FSHR: variants seen among roughly 807,000 people sequenced by gnomAD.
FSHR encodes follicle-stimulating hormone receptor.
A neutral mutation model predicts 52.1 loss-of-function variants in FSHR; 46 were observed. The ratio of observed to expected loss-of-function variants is 0.88; its 90% CI spans 0.70 to 1.13. The LOEUF (loss-of-function observed/expected upper bound fraction) is 1.13, where lower values mean the gene tolerates loss of function less well. Among genes scored for constraint, FSHR ranks in the 50% most tolerant of loss-of-function variants. FSHR has a pLI of 0.00. For synonymous variants in FSHR, 399 were observed against 309.6 expected, an observed-to-expected ratio of 1.29 and a Z score of -3.03; for missense variants, 964 against 834.6, an observed-to-expected ratio of 1.16 and a Z score of -1.91.
chr2:49,033,136 TC>T (rs1450671203), intron 2 of FSHR, among the ~76,000 whole-genome samples: 1 of 152,210 alleles, frequency 6.6e-6, no homozygotes, highest in Non-Finnish European at 1.5e-5. Flanking sequence ...CAACTTGCTT[TC>T]CAATTAGACT....
intron 1 of FSHR, among the ~76,000 whole-genome samples, chr2:49,091,008 T>C (rs1473563285): frequency 6.6e-6 from 1 of 152,064 alleles, no homozygotes; most frequent in Non-Finnish European, 1.5e-5. Context: ...ATATACTAGA[T>C]AGAAGTCCTT....
chr2:49,117,183 A>C (rs1447117912), intron 1 of FSHR, among the ~76,000 whole-genome samples: 1 of 152,208 alleles, frequency 6.6e-6, no homozygotes, highest in East Asian at 1.9e-4. Flanking sequence ...CAAATCACTG[A>C]GGACAACTAC....
chr2:49,005,941 T>A (rs1667060643), intron 4 of FSHR, among the ~76,000 whole-genome samples: 1 of 152,112 alleles, frequency 6.6e-6, no homozygotes. Context: ...GTGGGTACCA[T>A]CTAATCAGCT....
chr2:48,980,713 G>A lies in FSHR; in HGVS notation c.668+2199C>T, dbSNP rs185716385. Among the ~76,000 whole-genome samples, 763 of 152,260 alleles carry A rather than the reference G, an allele frequency of 5.0e-3. 4 individuals carry two copies. Among genetic ancestry groups the A allele is most frequent in the Middle Eastern group, 0.024 (7 of 294 alleles). ...TATTTATGGCAACATGGTATGGTGG[G>A]AATACATGGAATGTGAGGCAGAAGA... On this transcript the variant is annotated intron_variant, in intron 8 of 9. Coordinates refer to ENST00000406846, the MANE Select transcript of FSHR (RefSeq NM_000145.4).
At chr2:49,070,413 C>A (rs1669686384) in intron 1 of FSHR, among the ~76,000 whole-genome samples, 1 of 152,124 alleles carries the variant, frequency 6.6e-6, no homozygotes, top group Non-Finnish European at 1.5e-5. Flanking sequence ...TAATTGTACT[C>A]ACTTAACCTT....
chr2:49,133,164 C>T lies in FSHR; in HGVS notation c.152+21102G>A, dbSNP rs549960664. 6.6e-5 allele frequency among the ~76,000 whole-genome samples: 10 copies of T among 152,252 alleles called. No individual in the cohort carries two copies. In the South Asian group the frequency reaches 1.9e-3, roughly 28 times the overall value. ...AGATAAGGAGGACTTCAGCATTTCT[C>T]ATCCTTATCCCAGCTGCCCGTTGCT... On this transcript the variant is annotated intron_variant, in intron 1 of 9. Coordinates refer to ENST00000406846, the MANE Select transcript of FSHR (RefSeq NM_000145.4).
chr2:48,982,815 A>C (rs998502606), intron 8 of FSHR, 97 bp downstream of exon 8: 1 of 1,058,452 alleles, frequency 9.4e-7, no homozygotes, highest in African/African-American at 1.6e-5. Flanking sequence ...CTTGATGGCC[A>C]GCCCTGTGTT....
intron 1 of FSHR, among the ~76,000 whole-genome samples, chr2:49,110,754 G>A (rs539495729): frequency 2.2e-4 from 33 of 152,134 alleles, no homozygotes; most frequent in Non-Finnish European, 4.7e-4. Context: ...TGCTGCTGGG[G>A]AATAGCTGCC....
intron 8 of FSHR, among the ~76,000 whole-genome samples, chr2:48,981,934 C>T (rs1675267400): frequency 6.6e-6 from 1 of 152,210 alleles, no homozygotes; most frequent in Non-Finnish European, 1.5e-5. Flanking sequence ...AAGGATCATT[C>T]AGTAAAACTG....
chr2:49,037,601 T>A (rs145201934), intron 2 of FSHR, among the ~76,000 whole-genome samples: 13 of 152,078 alleles, frequency 8.5e-5, no homozygotes, highest in East Asian at 5.8e-4. Flanking sequence ...GAACAGATTT[T>A]AAAAAAATGG....
At chr2:49,110,012 A>T (rs983420832) in intron 1 of FSHR, among the ~76,000 whole-genome samples, 3 of 152,150 alleles carry the variant, frequency 2.0e-5, no homozygotes, top group African/African-American at 7.2e-5. Context: ...GAACAGTTGC[A>T]TGAGGAGGCC....
chr2:49,144,558 G>A (rs1365762206), intron 1 of FSHR, among the ~76,000 whole-genome samples: 2 of 152,012 alleles, frequency 1.3e-5, no homozygotes, highest in African/African-American at 4.8e-5. Context: ...CATCATAATT[G>A]TCATATTTTA....
At chr2:49,034,899 C>T (rs1668226051) in intron 2 of FSHR, among the ~76,000 whole-genome samples, 2 of 152,144 alleles carry the variant, frequency 1.3e-5, no homozygotes, top group African/African-American at 4.8e-5. Context: ...GCATTTAACA[C>T]AGAAGATGGT....
At chr2:49,027,402 T>A (rs1394191588) in intron 2 of FSHR, among the ~76,000 whole-genome samples, 2 of 152,180 alleles carry the variant, frequency 1.3e-5, no homozygotes, top group African/African-American at 4.8e-5. Flanking sequence ...AGACTAAGAA[T>A]GAAGGGATGA....
At position 49,087,111 on chromosome 2, in the gene FSHR, C is replaced by G. The variant is rs570469754; in HGVS notation, c.153-18821G>C. 7.8e-4 allele frequency among the ~76,000 whole-genome samples: 82 copies of G among 105,558 alleles called. No homozygotes were observed. In the South Asian group the frequency reaches 0.027, roughly 34 times the overall value. 69.3% of individuals were successfully genotyped at this position (105,558 alleles called of 152,430 possible). On this transcript the variant is annotated intron_variant, in intron 1 of 9. Coordinates refer to ENST00000406846, the MANE Select transcript of FSHR (RefSeq NM_000145.4). ...TTTTTTTTTTTTTACAAAGCTACTT[C>G]TATCCCATATCTCTCTCCTTTCAGT... is the stretch of plus-strand genomic sequence containing the variant.
At chr2:49,049,653 T>G (rs898046080) in intron 2 of FSHR, among the ~76,000 whole-genome samples, 5 of 152,088 alleles carry the variant, frequency 3.3e-5, no homozygotes, top group Non-Finnish European at 7.3e-5. Flanking sequence ...CTTACTGTAT[T>G]TTCTTCGTTG....
At chr2:48,985,851 C>T (rs9653497) in intron 6 of FSHR, among the ~76,000 whole-genome samples, 26,124 of 143,600 alleles carry the variant, frequency 0.18, 3,086 homozygotes, top group African/African-American at 0.33. Context: ...GTAGCTGGGA[C>T]TACAGGCGCC....
At chr2:49,043,855 T>G (rs765558520) in intron 2 of FSHR, among the ~76,000 whole-genome samples, 23 of 152,190 alleles carry the variant, frequency 1.5e-4, no homozygotes, top group Admixed American at 1.2e-3. Flanking sequence ...TGAATCTGTT[T>G]CATTAATATC....
In FSHR at chr2:48,963,531, G is replaced by GGTA; in HGVS notation, c.1289_1290insTAC (p.His430_Asn431insThr). ...CAGTTTGCCAGTCAATGGCATAGTTGTGATATTGGCTCTTGGTATGGATAT... is the reference window on the plus strand; with the variant it reads ...CAGTTTGCCAGTCAATGGCATAGTTGGTATGATATTGGCTCTTGGTATGGATAT... On this transcript the variant is annotated inframe_insertion, in exon 10 of 10. Coordinates refer to ENST00000406846, the MANE Select transcript of FSHR (RefSeq NM_000145.4). 6.2e-7 allele frequency: 1 copy of GGTA among 1,614,216 alleles called. No individual in the cohort carries two copies. Among genetic ancestry groups the GGTA allele is most frequent in the Non-Finnish European group, 8.5e-7 (1 of 1,180,032 alleles).
Sources: gnomAD v4.1 joint callset for allele counts (sites outside exome capture counted in the v4.1 genomes callset) on GRCh38, gnomAD v4.1.1 for gene constraint, MANE v1.5 for transcripts, NCBI Gene and HGNC (gene_info 2026-07-23, HGNC 2026-07-21) for gene names.